The following ZNF148 variants were observed in gnomAD, a reference collection of about 807,000 sequenced individuals.
ZNF148 encodes Beta-Enolase Repressor Factor-1.
Under a neutral mutation model 67.7 loss-of-function variants are expected in ZNF148, and 7 were observed. That is an observed-to-expected ratio of 0.10 (90% confidence interval 0.06 to 0.19). The LOEUF is 0.19. Ranked by LOEUF, ZNF148 falls within the 10% of genes least tolerant of loss-of-function variation. ZNF148 has a pLI of 1.00. For synonymous variants in ZNF148, 333 were observed against 330.7 expected, an observed-to-expected ratio of 1.01 and a Z score of -0.08; for missense variants, 583 against 947.1, an observed-to-expected ratio of 0.62 and a Z score of 5.05.
chr3:125,371,240 C>T (rs1421836074), intron 1 of ZNF148, among the ~76,000 whole-genome samples: 1 of 151,508 alleles, frequency 6.6e-6, no homozygotes, highest in Non-Finnish European at 1.5e-5. Flanking sequence ...CCTGTATTCC[C>T]GGCTACTTGT....
chr3:125,291,964 A>G (rs1278214456), intron 4 of ZNF148, among the ~76,000 whole-genome samples: 1 of 152,222 alleles, frequency 6.6e-6, no homozygotes, highest in African/African-American at 2.4e-5. Flanking sequence ...GTATAACACA[A>G]TTAACTGTAC....
At chr3:125,354,296 C>A (rs916529072) in intron 1 of ZNF148, among the ~76,000 whole-genome samples, 1 of 152,100 alleles carries the variant, frequency 6.6e-6, no homozygotes, top group African/African-American at 2.4e-5. Context: ...CTCAGACATT[C>A]AGAGCCTGGA....
Position 125,226,523 on chromosome 3 carries a change from A to G in ZNF148, c.*5818T>C, listed in dbSNP as rs1003517664. The G allele has an allele frequency of 6.6e-6, 1 of 152,652 alleles. No homozygotes were observed. Among genetic ancestry groups the G allele is most frequent in the Non-Finnish European group, 1.5e-5 (1 of 68,034 alleles). 9.5% of individuals were successfully genotyped at this position (152,652 alleles called of 1,614,324 possible). On this transcript the variant is annotated 3_prime_UTR_variant, in exon 9 of 9. Coordinates refer to ENST00000360647, the MANE Select transcript of ZNF148 (RefSeq NM_021964.3). ...AATGGTTTTATAAACTCCAAATGGC[A>G]AAGATAACTATATGACAATAGTGTT...
chr3:125,301,087 C>T (rs571835499), intron 4 of ZNF148, among the ~76,000 whole-genome samples: 1 of 152,276 alleles, frequency 6.6e-6, no homozygotes, highest in South Asian at 2.1e-4. Flanking sequence ...CCATTAGCTA[C>T]ATGTGACTAC....
chr3:125,271,409 C>T (rs1937728639), intron 7 of ZNF148, among the ~76,000 whole-genome samples: 1 of 152,254 alleles, frequency 6.6e-6, no homozygotes, highest in South Asian at 2.1e-4. Flanking sequence ...TACATACATA[C>T]AGGCTACAGG....
intron 4 of ZNF148, among the ~76,000 whole-genome samples, chr3:125,292,965 G>C (rs1158971591): frequency 6.6e-6 from 1 of 152,034 alleles, no homozygotes; most frequent in East Asian, 1.9e-4. Context: ...ATAATAAAGA[G>C]ATATCAAAAA....
At chr3:125,275,818 G>T (rs1938028805) in intron 7 of ZNF148, among the ~76,000 whole-genome samples, 1 of 152,104 alleles carries the variant, frequency 6.6e-6, no homozygotes, top group Non-Finnish European at 1.5e-5. Context: ...ATGAAGGTGA[G>T]TATTGTTTCA....
chr3:125,309,112 A>G (rs911731255), intron 4 of ZNF148, among the ~76,000 whole-genome samples: 6 of 152,210 alleles, frequency 3.9e-5, no homozygotes, highest in Non-Finnish European at 8.8e-5. Context: ...TTACAAAAAA[A>G]CTTCCCAGGA....
chr3:125,228,021 A>C lies in ZNF148; in HGVS notation c.*4320T>G, dbSNP rs1935706404. 6.6e-6 allele frequency: 1 copy of C among 152,624 alleles called. No homozygotes were observed. The highest frequency in any genetic ancestry group is 2.4e-5 in the African/African-American group (1 of 41,460). The allele number at this position is 152,624 out of a possible 1,614,324, so 9.5% of individuals were successfully genotyped here. On this transcript the variant is annotated 3_prime_UTR_variant, in exon 9 of 9. Transcript: ENST00000360647. ...ATTCATCTGATCAGCTGAGAAACCAAGCTTGAAAAATAAGTATCTAAAAAT... is the reference window on the plus strand; with the variant it reads ...ATTCATCTGATCAGCTGAGAAACCACGCTTGAAAAATAAGTATCTAAAAAT...
chr3:125,244,010 A>G (rs771438308), intron 7 of ZNF148, among the ~76,000 whole-genome samples: 2 of 152,234 alleles, frequency 1.3e-5, no homozygotes, highest in Non-Finnish European at 2.9e-5. Flanking sequence ...GATTTCAAGA[A>G]TGACACAAAA....
At chr3:125,309,256 T>A (rs1940066369) in intron 4 of ZNF148, among the ~76,000 whole-genome samples, 1 of 152,172 alleles carries the variant, frequency 6.6e-6, no homozygotes, top group East Asian at 1.9e-4. Flanking sequence ...GAATGTATAT[T>A]TTCACTCAAA....
chr3:125,233,466 G>A lies in ZNF148; in HGVS notation c.1260C>T (p.Ser420=). 1 of 1,613,870 alleles carries A rather than the reference G, an allele frequency of 6.2e-7. No homozygotes were observed. Among genetic ancestry groups the A allele is most frequent in the Non-Finnish European group, 8.5e-7 (1 of 1,179,918 alleles). The change falls in exon 9 of 9, where the codon AGC becomes AGT. Residue 420 remains serine (S), a synonymous_variant. Transcript: ENST00000360647. The surrounding 1 kb of genome is among the most constrained non-coding windows in gnomAD (Gnocchi z 5.1). ...GTTCAAAAGCATACTTTGAAACTTT[G>A]CTCTCTTCATATGTGGATAAAGGTG... is the stretch of plus-strand genomic sequence containing the variant. ...TISPLSTYEE[S]KVSKYAFELV...
intron 7 of ZNF148, among the ~76,000 whole-genome samples, chr3:125,274,612 A>G (rs894445759): frequency 3.9e-5 from 6 of 152,238 alleles, no homozygotes; most frequent in Non-Finnish European, 8.8e-5. Flanking sequence ...CTTGGTTTTA[A>G]TAAGACACAG....
chr3:125,236,295 A>C (rs1224758366), intron 7 of ZNF148, among the ~76,000 whole-genome samples: 2 of 152,104 alleles, frequency 1.3e-5, no homozygotes, highest in Admixed American at 6.5e-5. Context: ...CTCCAGGCTC[A>C]AGCAATCCTC....
rs548294807 is a variant in ZNF148, at chr3:125,354,509, G to T, written c.-234+20593C>A. ...AATATTTCATGTAAATATCCAATTT[G>T]TATTTCCCCAATTACATTTCACCTG... On this transcript the variant is annotated intron_variant, in intron 1 of 8. Coordinates refer to ENST00000360647, the MANE Select transcript of ZNF148 (RefSeq NM_021964.3). Among the ~76,000 whole-genome samples, 393 of 152,266 alleles carry T rather than the reference G, an allele frequency of 2.6e-3. 1 individual carries two copies. Among genetic ancestry groups the T allele is most frequent in the African/African-American group, 9.2e-3 (381 of 41,554 alleles).
chr3:125,229,174 CA>C lies in ZNF148; in HGVS notation c.*3166del, dbSNP rs1479683775. On this transcript the variant is annotated 3_prime_UTR_variant, in exon 9 of 9. Coordinates refer to ENST00000360647, the MANE Select transcript of ZNF148 (RefSeq NM_021964.3). ...AAATGTTCTAAGAAATGCAGTACTA[CA>C]GTAATGCCTACTTTTAAAGTTTCCC... 6.7e-6 allele frequency: 1 copy of C among 149,172 alleles called. No homozygotes were observed. Among genetic ancestry groups the C allele is most frequent in the Non-Finnish European group, 1.5e-5 (1 of 67,640 alleles). The allele number at this position is 149,172 out of a possible 1,614,324, so 9.2% of individuals were successfully genotyped here.
At chr3:125,347,049 A>G (rs1311701859) in intron 1 of ZNF148, among the ~76,000 whole-genome samples, 1 of 152,216 alleles carries the variant, frequency 6.6e-6, no homozygotes, top group Non-Finnish European at 1.5e-5. Context: ...GTACACAAGC[A>G]ATGAACAATT....
chr3:125,256,146 G>A (rs1356866755), intron 7 of ZNF148, among the ~76,000 whole-genome samples: 5 of 150,142 alleles, frequency 3.3e-5, no homozygotes, highest in Non-Finnish European at 7.4e-5. Context: ...GGTGGATCAC[G>A]AGGTCAGGAG....
intron 4 of ZNF148, among the ~76,000 whole-genome samples, chr3:125,299,339 T>C (rs1346814195): frequency 6.6e-6 from 1 of 152,112 alleles, no homozygotes; most frequent in Non-Finnish European, 1.5e-5. Context: ...CAGAACTATA[T>C]TAAGAGTGTT....
Sources: gnomAD v4.1 joint callset for allele counts (sites outside exome capture counted in the v4.1 genomes callset) on GRCh38, gnomAD v4.1.1 for gene constraint, Gnocchi (gnomAD v3.1) non-coding constraint, MANE v1.5 for transcripts, NCBI Gene and HGNC (gene_info 2026-07-23, HGNC 2026-07-21) for gene names.